Variants in HFM1 observed in about 807,000 individuals in gnomAD.
The protein encoded by HFM1 is probable ATP-dependent DNA helicase HFM1.
A neutral mutation model predicts 192.1 loss-of-function variants in HFM1; 169 were observed. The ratio of observed to expected loss-of-function variants is 0.88; its 90% CI spans 0.78 to 1.00. The LOEUF (loss-of-function observed/expected upper bound fraction) is 1.00, where lower values mean the gene tolerates loss of function less well. HFM1 is among the 50% of genes least tolerant of loss of function. HFM1 has a pLI of 0.00. For synonymous variants in HFM1, 525 were observed against 537.8 expected, an observed-to-expected ratio of 0.98 and a Z score of 0.33; for missense variants, 1,661 against 1,668.0, an observed-to-expected ratio of 1.00 and a Z score of 0.07.
rs143318526 is a variant in HFM1, at chr1:91,356,788, A to G, written c.1686-3489T>C. The stretch of plus-strand genomic sequence containing the variant: ...GAAATCACCAACAGATGCCTCAGAA[A>G]TCAAAGAGATCATAAGGGGCTATTA... On this transcript the variant is annotated intron_variant, in intron 13 of 38. Coordinates refer to ENST00000370425, the MANE Select transcript of HFM1 (RefSeq NM_001017975.6). Among the ~76,000 whole-genome samples, 160 of 152,224 alleles carry G rather than the reference A, an allele frequency of 1.1e-3. 5 individuals carry two copies. The East Asian group carries it at 0.027, about 26-fold the overall frequency.
At chr1:91,323,241 T>C in intron 21 of HFM1, 42 bp from the exon 22 acceptor site, 2 of 1,039,054 alleles carry the variant, frequency 1.9e-6, no homozygotes, top group Non-Finnish European at 2.9e-6. Context: ...AAGTCTATTT[T>C]TTATTTCCTC....
chr1:91,283,626 A>G (rs1667661163), intron 30 of HFM1, among the ~76,000 whole-genome samples: 1 of 152,166 alleles, frequency 6.6e-6, no homozygotes, highest in Non-Finnish European at 1.5e-5. Context: ...TGAGGTGCAA[A>G]TATTTTCATA....
intron 7 of HFM1, 81 bp downstream of exon 7, chr1:91,380,831 T>G: frequency 1.4e-6 from 1 of 731,788 alleles, no homozygotes; most frequent in South Asian, 1.6e-5. Context: ...CATAAAGATC[T>G]AGTAAATCCC....
chr1:91,366,821 C>T (rs752458296), intron 13 of HFM1, among the ~76,000 whole-genome samples: 8 of 152,284 alleles, frequency 5.3e-5, no homozygotes, highest in East Asian at 3.9e-4. Flanking sequence ...TCGCCTCACC[C>T]GGGAAATGCA....
chr1:91,311,794 A>T (rs1220353905), intron 30 of HFM1, among the ~76,000 whole-genome samples: 1 of 152,198 alleles, frequency 6.6e-6, no homozygotes, highest in African/African-American at 2.4e-5. Context: ...CATGTCACAG[A>T]TGTTTACGGC....
chr1:91,329,554 A>G (rs1437234047), intron 20 of HFM1: 19 of 1,370,184 alleles, frequency 1.4e-5, no homozygotes, highest in Middle Eastern at 5.3e-4. Context: ...TGACACCAGA[A>G]TATTTGCCCT....
chr1:91,277,511 GT>G (rs1666946391), intron 30 of HFM1, among the ~76,000 whole-genome samples: 3 of 141,270 alleles, frequency 2.1e-5, no homozygotes, highest in African/African-American at 7.8e-5. Context: ...TGGTGGGTGT[GT>G]GTGTGTGTGT....
intron 30 of HFM1, among the ~76,000 whole-genome samples, chr1:91,295,895 T>C (rs1006784211): frequency 1.3e-5 from 2 of 152,316 alleles, no homozygotes; most frequent in Middle Eastern, 3.4e-3. Flanking sequence ...CAAATAAGTT[T>C]TGTGTACAGT....
chr1:91,329,807 C>CA (rs1478010296), intron 20 of HFM1, among the ~76,000 whole-genome samples: 2 of 152,118 alleles, frequency 1.3e-5, no homozygotes, highest in African/African-American at 4.8e-5. Context: ...TGATAGATAG[C>CA]AACAAGTTTT....
chr1:91,290,363 A>G (rs1158308204), intron 30 of HFM1, among the ~76,000 whole-genome samples: 3 of 152,200 alleles, frequency 2.0e-5, no homozygotes, highest in Admixed American at 1.3e-4. Flanking sequence ...AAGATCTACC[A>G]AGCAAATGGA....
At chr1:91,353,654 A>ACC (rs1657288915) in intron 13 of HFM1, among the ~76,000 whole-genome samples, 1 of 128,712 alleles carries the variant, frequency 7.8e-6, no homozygotes, top group African/African-American at 3.1e-5. Context: ...TAAATAAGCA[A>ACC]AAAAAAAAAA....
rs1433296278 is a variant in HFM1, at chr1:91,285,744, G to A, written c.3392-8682C>T. Among the ~76,000 whole-genome samples, 14 of 152,200 alleles carry A rather than the reference G, an allele frequency of 9.2e-5. 1 individual carries two copies. Among genetic ancestry groups the A allele is most frequent in the Middle Eastern group, 3.4e-3 (1 of 294 alleles). ...AGTTACCCAAGGTCAACTCTGGTCC[G>A]AAAATATTACATGAAAATTTTCAGA... is the stretch of plus-strand genomic sequence containing the variant. On this transcript the variant is annotated intron_variant, in intron 30 of 38. Transcript: ENST00000370425.
intron 30 of HFM1, among the ~76,000 whole-genome samples, chr1:91,312,111 G>A (rs1650553835): frequency 6.6e-6 from 1 of 152,168 alleles, no homozygotes; most frequent in African/African-American, 2.4e-5. Flanking sequence ...GCAAAAGTTT[G>A]CTGCAGGAGC....
chr1:91,308,490 A>AT (rs1406775611), intron 30 of HFM1, among the ~76,000 whole-genome samples: 17 of 151,974 alleles, frequency 1.1e-4, no homozygotes, highest in African/African-American at 4.1e-4. Context: ...GCATTTACCT[A>AT]TTTTTTCTAT....
At position 91,393,402 on chromosome 1, in the gene HFM1, A is replaced by G. The variant is rs148137288; in HGVS notation, c.494+691T>C. On this transcript the variant is annotated intron_variant, in intron 4 of 38. Coordinates refer to ENST00000370425, the MANE Select transcript of HFM1 (RefSeq NM_001017975.6). The stretch of plus-strand genomic sequence containing the variant: ...TATCTGAACTATTTATAAATATCTA[A>G]AATCAACATGTCCATATCTGTACTC... 5.7e-3 allele frequency among the ~76,000 whole-genome samples: 874 copies of G among 152,230 alleles called. 1 individual carries two copies. Among genetic ancestry groups the G allele is most frequent in the African/African-American group, 0.02 (819 of 41,552 alleles).
rs563475222 is a variant in HFM1, at chr1:91,322,191, CAAT to C, written c.2582+756_2582+758del. Among the ~76,000 whole-genome samples, 681 of 152,182 alleles carry C rather than the reference CAAT, an allele frequency of 4.5e-3. 1 individual carries two copies. The highest frequency in any genetic ancestry group is 7.5e-3 in the Non-Finnish European group (512 of 67,998). On this transcript the variant is annotated intron_variant, in intron 23 of 38. Transcript: ENST00000370425. Reference sequence around the variant, plus strand: ...AATCTGCCTGATGAGTTGTAAACAACAATGAGAAGACTGTCTTATAGACGTAAA... The same window carrying C: ...AATCTGCCTGATGAGTTGTAAACAACGAGAAGACTGTCTTATAGACGTAAA...
At chr1:91,339,398 C>A (rs915675069) in intron 20 of HFM1, among the ~76,000 whole-genome samples, 13 of 151,672 alleles carry the variant, frequency 8.6e-5, no homozygotes, top group African/African-American at 3.1e-4. Flanking sequence ...TCTAAGGAAC[C>A]CAGTAAAATG....
intron 30 of HFM1, among the ~76,000 whole-genome samples, chr1:91,306,583 A>G (rs919598191): frequency 6.6e-6 from 1 of 152,184 alleles, no homozygotes; most frequent in Non-Finnish European, 1.5e-5. Flanking sequence ...GGCCAAATTC[A>G]GCTTGTGAAT....
chr1:91,381,322 T>C (rs1429488599), intron 6 of HFM1, among the ~76,000 whole-genome samples: 1 of 152,218 alleles, frequency 6.6e-6, no homozygotes, highest in East Asian at 1.9e-4. Context: ...TGCTTTTTCT[T>C]ATTTACCTTG....
Sources: allele counts gnomAD v4.1 joint callset (sites outside exome capture counted in the v4.1 genomes callset), GRCh38; gene constraint gnomAD v4.1.1; transcripts MANE v1.5; gene names NCBI Gene and HGNC (gene_info 2026-07-23, HGNC 2026-07-21).